The following DSCAM variants were observed in gnomAD, a reference collection of about 807,000 sequenced individuals.
DSCAM encodes cell adhesion molecule DSCAM.
A neutral mutation model predicts 217.7 loss-of-function variants in DSCAM; 47 were observed. The observed-to-expected ratio is 0.22, with a 90% confidence interval of 0.17 to 0.28. DSCAM has a LOEUF of 0.28. Among genes scored for constraint, DSCAM ranks in the 10% least tolerant of loss-of-function variants. The pLI is 1.00. For missense variants in DSCAM, 2,080 were observed against 2,618.3 expected, an observed-to-expected ratio of 0.79 and a Z score of 4.49; for synonymous variants, 1,056 against 1,015.3, an observed-to-expected ratio of 1.04 and a Z score of -0.76.
chr21:40,083,089 C>A (rs181213835), intron 24 of DSCAM, among the ~76,000 whole-genome samples: 27 of 152,324 alleles, frequency 1.8e-4, no homozygotes, highest in Admixed American at 1.1e-3. Flanking sequence ...CTGTCTCTAG[C>A]TTAACTCCAC....
chr21:40,297,161 A>C (rs998252549), intron 9 of DSCAM, among the ~76,000 whole-genome samples: 1 of 152,184 alleles, frequency 6.6e-6, no homozygotes, highest in Non-Finnish European at 1.5e-5. Flanking sequence ...AAAAAACAAG[A>C]TATTAAGTGA....
chr21:40,342,646 A>ATTTT (rs1452290469), intron 6 of DSCAM, among the ~76,000 whole-genome samples: 70 of 83,594 alleles, frequency 8.4e-4, no homozygotes, highest in South Asian at 2.8e-3. Flanking sequence ...ATATATATAT[A>ATTTT]TATTTTTTTT....
chr21:40,117,105 G>T (rs933258057), intron 20 of DSCAM, among the ~76,000 whole-genome samples: 1 of 149,886 alleles, frequency 6.7e-6, no homozygotes, highest in African/African-American at 2.4e-5. Context: ...ACAGGCACTT[G>T]ATCCAAATCC....
At chr21:40,710,191 T>C (rs939218201) in intron 1 of DSCAM, among the ~76,000 whole-genome samples, 1 of 151,704 alleles carries the variant, frequency 6.6e-6, no homozygotes, top group African/African-American at 2.4e-5. Flanking sequence ...GTTTTTTTTC[T>C]TGTAAATTTA....
At chr21:40,462,725 T>C (rs1316750604) in intron 3 of DSCAM, among the ~76,000 whole-genome samples, 2 of 152,166 alleles carry the variant, frequency 1.3e-5, no homozygotes, top group African/African-American at 4.8e-5. Context: ...GGTGATCTAA[T>C]TGATTGGTTT....
At chr21:40,455,588 G>A (rs73361115) in intron 3 of DSCAM, among the ~76,000 whole-genome samples, 3,098 of 152,040 alleles carry the variant, frequency 0.02, 98 homozygotes, top group African/African-American at 0.066. Context: ...CCAACATAGC[G>A]AAACCCCGTC....
chr21:40,480,134 G>A (rs1179893155), intron 3 of DSCAM, among the ~76,000 whole-genome samples: 2 of 152,162 alleles, frequency 1.3e-5, no homozygotes, highest in Non-Finnish European at 1.5e-5. Flanking sequence ...AAGGTCAAAC[G>A]CCATTTCTCT....
At chr21:40,332,416 G>A (rs182276374) in intron 8 of DSCAM, among the ~76,000 whole-genome samples, 4 of 152,204 alleles carry the variant, frequency 2.6e-5, no homozygotes, top group East Asian at 1.9e-4. Context: ...CTTTATCTAC[G>A]TTACAGAGTC....
chr21:40,721,672 G>T (rs905136691), intron 1 of DSCAM, among the ~76,000 whole-genome samples: 6 of 152,052 alleles, frequency 3.9e-5, no homozygotes, highest in Non-Finnish European at 5.9e-5. Context: ...ACACAAAACT[G>T]GTGAGATGTG....
chr21:40,418,511 G>A (rs900522705), intron 3 of DSCAM, among the ~76,000 whole-genome samples: 47 of 152,134 alleles, frequency 3.1e-4, no homozygotes, highest in African/African-American at 1.1e-3. Flanking sequence ...TGAAGATTAT[G>A]GCCACAAGAA....
At chr21:40,269,835 C>T (rs2073592348) in intron 11 of DSCAM, among the ~76,000 whole-genome samples, 1 of 152,182 alleles carries the variant, frequency 6.6e-6, no homozygotes, top group Admixed American at 6.5e-5. Flanking sequence ...TCAGTAGAGC[C>T]TCATCTTCAC....
At chr21:40,244,452 G>C (rs1441265393) in intron 11 of DSCAM, among the ~76,000 whole-genome samples, 1 of 140,964 alleles carries the variant, frequency 7.1e-6, no homozygotes, top group Non-Finnish European at 1.5e-5. Flanking sequence ...CTCCGTCTCC[G>C]GAAAAAAAAA....
chr21:40,710,898 A>G (rs2090772510), intron 1 of DSCAM, among the ~76,000 whole-genome samples: 1 of 152,220 alleles, frequency 6.6e-6, no homozygotes, highest in Non-Finnish European at 1.5e-5. Flanking sequence ...CATTTATTGT[A>G]TGCTTCATAG....
At chr21:40,271,059 T>C (rs969392392) in intron 11 of DSCAM, among the ~76,000 whole-genome samples, 5 of 152,270 alleles carry the variant, frequency 3.3e-5, no homozygotes, top group Non-Finnish European at 7.3e-5. Flanking sequence ...CATGGAGATC[T>C]GTCCAGAAAT....
intron 1 of DSCAM, among the ~76,000 whole-genome samples, chr21:40,787,697 C>T (rs2091606406): frequency 6.6e-6 from 1 of 152,132 alleles, no homozygotes; most frequent in Non-Finnish European, 1.5e-5. Flanking sequence ...ATAAGCTCAA[C>T]CCATAATTAA....
At chr21:40,389,387 C>T (rs1208634552) in intron 3 of DSCAM, among the ~76,000 whole-genome samples, 1 of 152,118 alleles carries the variant, frequency 6.6e-6, no homozygotes, top group Admixed American at 6.5e-5. Flanking sequence ...CTAAAAAAGA[C>T]ATCTGATTAG....
intron 29 of DSCAM, among the ~76,000 whole-genome samples, chr21:40,054,001 A>G (rs755360351): frequency 3.9e-5 from 6 of 152,242 alleles, no homozygotes; most frequent in Non-Finnish European, 8.8e-5. Context: ...AACTTTTCCT[A>G]TGTTGGCTGG....
At position 40,016,306 on chromosome 21, in the gene DSCAM, C is replaced by A. The variant is rs1371980959; in HGVS notation, c.5687-2920G>T. ...GAAGGGGTTAGGGGTGACTCCTTCCCAGGCTCTAAGCTCAGGAAACTGTGT... is the reference window on the plus strand; with the variant it reads ...GAAGGGGTTAGGGGTGACTCCTTCCAAGGCTCTAAGCTCAGGAAACTGTGT... On this transcript the variant is annotated intron_variant, in intron 32 of 32. Transcript: ENST00000400454. The surrounding 1 kb of genome is among the most constrained non-coding windows in gnomAD (Gnocchi z 4.3). Among the ~76,000 whole-genome samples the A allele has an allele frequency of 1.3e-5, 2 of 152,162 alleles. No homozygotes were observed. Among genetic ancestry groups the A allele is most frequent in the Non-Finnish European group, 2.9e-5 (2 of 68,032 alleles).
intron 3 of DSCAM, among the ~76,000 whole-genome samples, chr21:40,458,805 A>G (rs1236898018): frequency 6.6e-6 from 1 of 152,076 alleles, no homozygotes; most frequent in Non-Finnish European, 1.5e-5. Context: ...TCTTGAAGAC[A>G]TGTTAGGTCA....
Sources: gnomAD v4.1 joint callset for allele counts (sites outside exome capture counted in the v4.1 genomes callset) on GRCh38, gnomAD v4.1.1 for gene constraint, Gnocchi (gnomAD v3.1) non-coding constraint, MANE v1.5 for transcripts, NCBI Gene and HGNC (gene_info 2026-07-23, HGNC 2026-07-21) for gene names.